The following ROBO1 variants were observed in gnomAD, a reference collection of about 807,000 sequenced individuals.
ROBO1 encodes roundabout homolog 1.
A neutral mutation model predicts 195.9 loss-of-function variants in ROBO1; 149 were observed. That is an observed-to-expected ratio of 0.76 (90% confidence interval 0.67 to 0.87). ROBO1 has a LOEUF of 0.87. Ranked by LOEUF, ROBO1 falls within the 40% of genes least tolerant of loss-of-function variation. The pLI is 0.00. For missense variants in ROBO1, 1,933 were observed against 2,068.3 expected (o/e 0.93, Z 1.27); for synonymous variants, 816 against 733.2 (o/e 1.11, Z -1.82).
At chr3:79,073,625 A>T (rs140163628) in intron 3 of ROBO1, among the ~76,000 whole-genome samples, 38 of 151,928 alleles carry the variant, frequency 2.5e-4, no homozygotes, top group African/African-American at 3.6e-4. Context: ...AGATTTAAAA[A>T]ATATATATAT....
At chr3:79,127,537 G>A (rs965211654) in intron 2 of ROBO1, among the ~76,000 whole-genome samples, 4 of 152,120 alleles carry the variant, frequency 2.6e-5, no homozygotes, top group Non-Finnish European at 5.9e-5. Flanking sequence ...TAATGTGGAC[G>A]CACACATTTC....
intron 2 of ROBO1, among the ~76,000 whole-genome samples, chr3:79,514,450 T>C (rs2107552527): frequency 6.6e-6 from 1 of 152,294 alleles, no homozygotes; most frequent in African/African-American, 2.4e-5. Context: ...TGAAAATTTC[T>C]TTTGGTCAAT....
At chr3:79,208,734 T>C (rs796577397) in intron 2 of ROBO1, among the ~76,000 whole-genome samples, 126 of 150,958 alleles carry the variant, frequency 8.3e-4, no homozygotes, top group African/African-American at 2.9e-3. Context: ...CCTGCATGCA[T>C]GTGTGTTGTG....
At chr3:78,972,232 GT>G (rs2107921453) in intron 3 of ROBO1, among the ~76,000 whole-genome samples, 1 of 152,262 alleles carries the variant, frequency 6.6e-6, no homozygotes, top group East Asian at 1.9e-4. Context: ...AAAGGGCTTA[GT>G]TTGAGTATTT....
At chr3:79,675,951 C>T (rs1003535066) in intron 1 of ROBO1, among the ~76,000 whole-genome samples, 1 of 151,910 alleles carries the variant, frequency 6.6e-6, no homozygotes, top group Non-Finnish European at 1.5e-5. Flanking sequence ...AAAGGTATAG[C>T]TTTCTGTATT....
At chr3:79,449,875 C>A (rs1364776389) in intron 2 of ROBO1, among the ~76,000 whole-genome samples, 1 of 152,046 alleles carries the variant, frequency 6.6e-6, no homozygotes, top group African/African-American at 2.4e-5. Flanking sequence ...ATGTCATCTT[C>A]ACAACAATCA....
intron 4 of ROBO1, among the ~76,000 whole-genome samples, chr3:78,924,178 T>C (rs2039089551): frequency 6.6e-6 from 1 of 152,130 alleles, no homozygotes; most frequent in Non-Finnish European, 1.5e-5. Flanking sequence ...AAGACATTTA[T>C]ACCAAGCTAT....
At chr3:79,682,266 T>C (rs1946972094) in intron 1 of ROBO1, among the ~76,000 whole-genome samples, 2 of 152,014 alleles carry the variant, frequency 1.3e-5, no homozygotes, top group Non-Finnish European at 2.9e-5. Context: ...GCATAATTCA[T>C]ATACTTTCTG....
At chr3:78,700,452 G>A (rs1407084282) in intron 8 of ROBO1, among the ~76,000 whole-genome samples, 4 of 152,152 alleles carry the variant, frequency 2.6e-5, no homozygotes, top group Non-Finnish European at 4.4e-5. Context: ...CATGATGACA[G>A]AATGATAACG....
intron 1 of ROBO1, among the ~76,000 whole-genome samples, chr3:79,617,698 A>G (rs1259884070): frequency 1.3e-5 from 2 of 151,960 alleles, no homozygotes; most frequent in Non-Finnish European, 2.9e-5. Context: ...CTCTCTAGCA[A>G]TGGAACCTAA....
chr3:79,513,236 T>C (rs1206102113), intron 2 of ROBO1, among the ~76,000 whole-genome samples: 1 of 152,114 alleles, frequency 6.6e-6, no homozygotes, highest in Non-Finnish European at 1.5e-5. Flanking sequence ...AAAACATTAA[T>C]GTAATAAAAT....
At chr3:78,987,763 T>C (rs1229748545) in intron 3 of ROBO1, among the ~76,000 whole-genome samples, 1 of 152,044 alleles carries the variant, frequency 6.6e-6, no homozygotes, top group African/African-American at 2.4e-5. Flanking sequence ...AAGAGTATAA[T>C]TTGATTATCT....
intron 4 of ROBO1, among the ~76,000 whole-genome samples, chr3:78,780,853 A>C (rs144898639): frequency 2.0e-5 from 3 of 151,504 alleles, no homozygotes; most frequent in African/African-American, 7.3e-5. Flanking sequence ...CTTTTTTATT[A>C]TGATTTTTTA....
intron 9 of ROBO1, 91 bp from the exon 10 acceptor site, chr3:78,686,008 C>A: frequency 9.3e-7 from 1 of 1,070,560 alleles, no homozygotes; most frequent in South Asian, 1.7e-5. Context: ...CATGTAAAAA[C>A]ATACATATAA....
At chr3:79,300,979 C>G (rs933775040) in intron 2 of ROBO1, among the ~76,000 whole-genome samples, 4 of 152,102 alleles carry the variant, frequency 2.6e-5, no homozygotes, top group Admixed American at 2.6e-4. Context: ...CTGGGCTCTA[C>G]CAATCAGCAA....
chr3:78,610,541 C>A (rs1399001899), intron 28 of ROBO1, among the ~76,000 whole-genome samples: 1 of 152,048 alleles, frequency 6.6e-6, no homozygotes, highest in East Asian at 1.9e-4. Flanking sequence ...GGATTGCGAA[C>A]GCAGATTATC....
rs1428531321 is a variant in ROBO1 at position 78,711,348 on chromosome 3, C to CTTCCTTCCT, written c.1045+3048_1045+3049insAGGAAGGAA. 1.2e-3 allele frequency among the ~76,000 whole-genome samples: 64 copies of CTTCCTTCCT among 54,516 alleles called. 1 individual carries two copies. The highest frequency in any genetic ancestry group is 4.7e-3 in the East Asian group (6 of 1,276). 35.8% of individuals were successfully genotyped at this position (54,516 alleles called of 152,430 possible). Reference sequence around the variant, plus strand: ...CTCTCCTTCCTTCCTTCCTTCCTTCCTCCTTCCTTCCTTCCTTCCTTCCTT... The same window carrying CTTCCTTCCT: ...CTCTCCTTCCTTCCTTCCTTCCTTCCTTCCTTCCTTCCTTCCTTCCTTCCTTCCTTCCTT... On this transcript the variant is annotated intron_variant, in intron 8 of 30. Coordinates refer to ENST00000464233, the MANE Select transcript of ROBO1 (RefSeq NM_002941.4).
At chr3:79,427,742 A>G (rs945962655) in intron 2 of ROBO1, among the ~76,000 whole-genome samples, 1 of 152,176 alleles carries the variant, frequency 6.6e-6, no homozygotes, top group South Asian at 2.1e-4. Context: ...TTCCGTATGC[A>G]TAAGAATGAA....
intron 3 of ROBO1, among the ~76,000 whole-genome samples, chr3:79,096,690 A>G (rs1348893833): frequency 1.3e-5 from 2 of 150,852 alleles, no homozygotes; most frequent in Non-Finnish European, 3.0e-5. Context: ...GTGTATACGT[A>G]CACACATATT....
Sources: gnomAD v4.1 joint callset for allele counts (sites outside exome capture counted in the v4.1 genomes callset) on GRCh38, gnomAD v4.1.1 for gene constraint, MANE v1.5 for transcripts, NCBI Gene and HGNC (gene_info 2026-07-23, HGNC 2026-07-21) for gene names.